SKI: variants seen among roughly 807,000 people sequenced by gnomAD.
SKI encodes ski oncogene.
A neutral mutation model predicts 59.3 loss-of-function variants in SKI; 23 were observed. That is an observed-to-expected ratio of 0.39 (90% CI 0.28 to 0.55). The LOEUF is 0.55. SKI is among the 20% of genes least tolerant of loss of function. The pLI, the probability that SKI is intolerant of heterozygous loss-of-function variation, is 0.67. For synonymous variants in SKI, 673 were observed against 488.6 expected (o/e 1.38, Z -4.98); for missense variants, 1,017 against 1,038.9 (o/e 0.98, Z 0.29).
rs191640861 is a variant in SKI, at chr1:2,230,137, C to T, written c.969+402C>T. Among the ~76,000 whole-genome samples the T allele has an allele frequency of 1.3e-3, 198 of 152,324 alleles. 2 individuals are homozygous for T. Among genetic ancestry groups the T allele is most frequent in the African/African-American group, 4.6e-3 (193 of 41,578 alleles). ...CCGGATGCCTCAGGCCCAGGTCTTT[C>T]TTGGGGTTGGGGTGAAGGTGGCTGT... On this transcript the variant is annotated intron_variant, in intron 1 of 6. Transcript: ENST00000378536.
intron 1 of SKI, among the ~76,000 whole-genome samples, chr1:2,273,992 G>A (rs555223327): frequency 2.3e-4 from 35 of 152,172 alleles, no homozygotes; most frequent in African/African-American, 7.0e-4. Flanking sequence ...TGTCCTGGTC[G>A]CCCCAGAGGC....
chr1:2,279,294 G>A (rs962336592), intron 1 of SKI, among the ~76,000 whole-genome samples: 17 of 152,246 alleles, frequency 1.1e-4, no homozygotes, highest in African/African-American at 3.1e-4. Context: ...TGGAAGGGGC[G>A]TGGCCGTGCC....
intron 1 of SKI, among the ~76,000 whole-genome samples, chr1:2,246,589 C>G (rs182841491): frequency 6.6e-6 from 1 of 152,114 alleles, no homozygotes; most frequent in Non-Finnish European, 1.5e-5. Flanking sequence ...CTGTGAGCCT[C>G]GGTGTGCAGC....
chr1:2,240,128 C>T (rs1638835773), intron 1 of SKI, among the ~76,000 whole-genome samples: 1 of 152,230 alleles, frequency 6.6e-6, no homozygotes, highest in Admixed American at 6.5e-5. Context: ...TGAAGTGTGG[C>T]CCCAAGGGCT....
At chr1:2,239,742 G>A (rs1192468308) in intron 1 of SKI, among the ~76,000 whole-genome samples, 1 of 152,252 alleles carries the variant, frequency 6.6e-6, no homozygotes, top group Non-Finnish European at 1.5e-5. Flanking sequence ...CCTGGCCAAC[G>A]GGAGGCTTCT....
At chr1:2,242,652 C>T (rs1374748330) in intron 1 of SKI, among the ~76,000 whole-genome samples, 5 of 152,108 alleles carry the variant, frequency 3.3e-5, no homozygotes, top group East Asian at 1.9e-4. Flanking sequence ...CCTGAGTAGC[C>T]GGGACTGTAG....
intron 5 of SKI, 45 bp from the exon 6 acceptor site, chr1:2,305,975 C>G (rs1640562647): frequency 1.4e-6 from 2 of 1,424,708 alleles, no homozygotes; most frequent in Non-Finnish European, 1.9e-6. Flanking sequence ...GAGGGGTGTG[C>G]TGGGACCGGC....
In SKI at chr1:2,304,066, TCGGAGG is replaced by T. The variant is rs762410895; in HGVS notation, c.1445_1450del (p.Ala482_Glu483del). The T allele has an allele frequency of 5.0e-5, 80 of 1,612,600 alleles. No homozygotes were observed. Among genetic ancestry groups the T allele is most frequent in the Non-Finnish European group, 6.5e-5 (77 of 1,179,922 alleles). ...GGCTGCCCCAGAGGAGGACAAGGACTCGGAGGCGGAGGTGGAAGTTGAAAGCAGGGA... is the reference window on the plus strand; with the variant it reads ...GGCTGCCCCAGAGGAGGACAAGGACTCGGAGGTGGAAGTTGAAAGCAGGGA... On this transcript the variant is annotated inframe_deletion, in exon 4 of 7. Transcript: ENST00000378536.
intron 1 of SKI, among the ~76,000 whole-genome samples, chr1:2,231,396 T>C (rs1476267947): frequency 6.6e-6 from 1 of 152,190 alleles, no homozygotes; most frequent in African/African-American, 2.4e-5. Flanking sequence ...TGTGTGCTTG[T>C]GGTCTTTCTG....
chr1:2,239,070 C>T (rs1638810199), intron 1 of SKI, among the ~76,000 whole-genome samples: 2 of 152,212 alleles, frequency 1.3e-5, no homozygotes, highest in Non-Finnish European at 2.9e-5. Context: ...CCTTTCCTGG[C>T]TACAACCCTG....
intron 1 of SKI, among the ~76,000 whole-genome samples, chr1:2,252,160 G>C (rs1384018068): frequency 6.6e-6 from 1 of 152,208 alleles, no homozygotes; most frequent in African/African-American, 2.4e-5. Flanking sequence ...CAGATGTGGA[G>C]GGTTGGAATC....
At chr1:2,271,506 G>C (rs2100854659) in intron 1 of SKI, among the ~76,000 whole-genome samples, 1 of 152,316 alleles carries the variant, frequency 6.6e-6, no homozygotes, top group African/African-American at 2.4e-5. Context: ...TAAGCGCTCA[G>C]ATGCTGGCAG....
At position 2,303,116 on chromosome 1, in the gene SKI, C is replaced by T. The variant is rs1171751516; in HGVS notation, c.1095+13C>T. ...CTCTTCCAATAAGGTGCTGTGGGGC[C>T]TGTCGGGGTCCTTGGGGTGGTGGGT... On this transcript the variant is annotated intron_variant, in intron 2 of 6. Coordinates refer to ENST00000378536, the MANE Select transcript of SKI (RefSeq NM_003036.4). This position sits in a 1 kb window ranked among gnomAD's most constrained non-coding sequence, Gnocchi z 5.6. 14 of 1,612,990 alleles carry T rather than the reference C, an allele frequency of 8.7e-6. No individual in the cohort carries two copies. The highest frequency in any genetic ancestry group is 2.7e-5 in the African/African-American group (2 of 74,932).
In SKI at chr1:2,263,340, C is replaced by T. The variant is rs931386580; in HGVS notation, c.969+33605C>T. On this transcript the variant is annotated intron_variant, in intron 1 of 6. Coordinates refer to ENST00000378536, the MANE Select transcript of SKI (RefSeq NM_003036.4). Reference sequence around the variant, plus strand: ...GGAACCTCCGCCTCCTGGGTTCAAGCGATTCTCCTGTCTCAGCCTTCCAAG... The same window carrying T: ...GGAACCTCCGCCTCCTGGGTTCAAGTGATTCTCCTGTCTCAGCCTTCCAAG... Among the ~76,000 whole-genome samples, 13 of 150,580 alleles carry T rather than the reference C, an allele frequency of 8.6e-5. 1 individual carries two copies. Among genetic ancestry groups the T allele is most frequent in the South Asian group, 4.2e-4 (2 of 4,792 alleles).
intron 1 of SKI, among the ~76,000 whole-genome samples, chr1:2,234,639 CCTGA>C (rs1245086179): frequency 6.6e-6 from 1 of 152,174 alleles, no homozygotes; most frequent in African/African-American, 2.4e-5. Context: ...GGGCCTGGGC[CCTGA>C]CTGTCTGGCA....
Position 2,289,693 on chromosome 1 carries a change from G to A in SKI, c.970-13285G>A, listed in dbSNP as rs114333584. Among the ~76,000 whole-genome samples, 1,414 of 152,066 alleles carry A rather than the reference G, an allele frequency of 9.3e-3. 15 individuals carry two copies. Among genetic ancestry groups the A allele is most frequent in the African/African-American group, 0.033 (1,351 of 41,428 alleles). ...GGCTCTCCCCTCCCCCGAGCCCACC[G>A]TGTGCTTCTTGTCCAGCCTTTTGAG... On this transcript the variant is annotated intron_variant, in intron 1 of 6. Transcript: ENST00000378536.
chr1:2,230,346 C>G (rs1638606527), intron 1 of SKI, among the ~76,000 whole-genome samples: 1 of 152,120 alleles, frequency 6.6e-6, no homozygotes, highest in African/African-American at 2.4e-5. Flanking sequence ...TGGCAGGGGC[C>G]CGAGACTTGG....
intron 1 of SKI, among the ~76,000 whole-genome samples, chr1:2,260,596 A>G (rs1334798358): frequency 3.1e-5 from 4 of 128,824 alleles, no homozygotes; most frequent in African/African-American, 1.2e-4. Flanking sequence ...GCTAGAGCAC[A>G]ATCTTGTGAT....
In SKI at chr1:2,269,669, G is replaced by C. The variant is rs1020853761; in HGVS notation, c.970-33309G>C. 7.2e-5 allele frequency among the ~76,000 whole-genome samples: 11 copies of C among 152,264 alleles called. No homozygotes were observed. Among genetic ancestry groups the C allele is most frequent in the African/African-American group, 2.4e-4 (10 of 41,474 alleles). ...TCTCCTCCTTCCTTCCTTGTTGGTT[G>C]CTGTTAAGCCAGCCTTGGGCACCAG... On this transcript the variant is annotated intron_variant, in intron 1 of 6. Transcript: ENST00000378536. The surrounding 1 kb of genome is among the most constrained non-coding windows in gnomAD (Gnocchi z 4.7).
Sources: allele counts gnomAD v4.1 joint callset (sites outside exome capture counted in the v4.1 genomes callset), GRCh38; gene constraint gnomAD v4.1.1; non-coding constraint Gnocchi (gnomAD v3.1); transcripts MANE v1.5; gene names NCBI Gene and HGNC (gene_info 2026-07-23, HGNC 2026-07-21).